The following PAK2 variants were observed in gnomAD, a reference collection of about 807,000 sequenced individuals.
The protein encoded by PAK2 is serine/threonine-protein kinase PAK 2.
A neutral mutation model predicts 65.9 loss-of-function variants in PAK2; 21 were observed. The ratio of observed to expected loss-of-function variants is 0.32; its 90% confidence interval spans 0.23 to 0.46. PAK2 has a LOEUF of 0.46. PAK2 is among the 20% of genes least tolerant of loss of function. The pLI is 1.00. For synonymous variants in PAK2, 204 were observed against 219.7 expected, an observed-to-expected ratio of 0.93 and a Z score of 0.63; for missense variants, 324 against 642.6, an observed-to-expected ratio of 0.50 and a Z score of 5.36.
intron 1 of PAK2, among the ~76,000 whole-genome samples, chr3:196,778,237 C>T (rs978034706): frequency 1.3e-5 from 2 of 152,140 alleles, no homozygotes; most frequent in Non-Finnish European, 2.9e-5. Flanking sequence ...CTTCTTTTTG[C>T]GGCCAAACAA....
At chr3:196,797,959 A>G (rs1715309215) in intron 2 of PAK2, among the ~76,000 whole-genome samples, 1 of 152,242 alleles carries the variant, frequency 6.6e-6, no homozygotes, top group East Asian at 1.9e-4. Flanking sequence ...CTGCTAAAGC[A>G]GTACTTAGTG....
Position 196,810,617 on chromosome 3 carries a change from A to G in PAK2, c.737A>G (p.Lys246Arg). Residue 246 changes from lysine to arginine, a missense_variant, in exon 8 of 15, where the codon AAG becomes AGG. Lys to Arg is a conservative substitution (Grantham distance 26, BLOSUM62 2). Around this residue, in one of 5 missense-constraint regions of PAK2, gnomAD observed 183 missense variants for 246.2 expected, o/e 0.74. Coordinates refer to ENST00000327134, the MANE Select transcript of PAK2 (RefSeq NM_002577.4). ...LRTIVSIGDP[K>R]KKYTRYEKIG... ...ACTATCGTGAGCATAGGTGACCCTA[A>G]GAAAAAATATACAAGATATGAAAAA... 1 of 1,570,052 alleles carries G rather than the reference A, an allele frequency of 6.4e-7. No homozygotes were observed. Among genetic ancestry groups the G allele is most frequent in the Non-Finnish European group, 8.8e-7 (1 of 1,140,456 alleles).
intron 2 of PAK2, chr3:196,784,846 A>C (rs537896535): frequency 4.8e-3 from 733 of 151,734 alleles, no homozygotes; most frequent in African/African-American, 0.017. Flanking sequence ...CCCACCAACA[A>C]TGTAAAAGTG....
rs550855016 is a variant in PAK2, at chr3:196,799,050, C to CA, written c.188-2868dup. On this transcript the variant is annotated intron_variant, in intron 2 of 14. Transcript: ENST00000327134. ...GAAGGGTCTAGCTAATGTAGTAAGG[C>CA]AAAAAAAAATTTTTTTTAAGAAAAC... Among the ~76,000 whole-genome samples, 908 of 150,880 alleles carry CA rather than the reference C, an allele frequency of 6.0e-3. 10 individuals carry two copies. Among genetic ancestry groups the CA allele is most frequent in the African/African-American group, 0.021 (874 of 41,128 alleles).
At chr3:196,800,539 C>G (rs897055794) in intron 2 of PAK2, among the ~76,000 whole-genome samples, 2 of 152,228 alleles carry the variant, frequency 1.3e-5, no homozygotes, top group East Asian at 3.9e-4. Context: ...ATTACCCAAA[C>G]AGCTTTGACA....
intron 2 of PAK2, among the ~76,000 whole-genome samples, chr3:196,798,504 C>T (rs138518112): frequency 4.7e-4 from 71 of 151,954 alleles, no homozygotes; most frequent in African/African-American, 1.6e-3. Context: ...TCACCACGCC[C>T]GGCTAATTAT....
At chr3:196,809,578 A>G (rs1358908305) in intron 7 of PAK2, among the ~76,000 whole-genome samples, 1 of 151,028 alleles carries the variant, frequency 6.6e-6, no homozygotes, top group Non-Finnish European at 1.5e-5. Flanking sequence ...TCCTGACCTC[A>G]GGCATGAGTC....
intron 13 of PAK2, among the ~76,000 whole-genome samples, chr3:196,823,906 A>T (rs1020944430): frequency 3.9e-5 from 6 of 152,106 alleles, no homozygotes; most frequent in African/African-American, 1.4e-4. Context: ...TGGATGAGGA[A>T]GATGAGAATT....
chr3:196,815,164 A>G (rs1473162584), intron 11 of PAK2, among the ~76,000 whole-genome samples: 1 of 151,388 alleles, frequency 6.6e-6, no homozygotes, highest in African/African-American at 2.4e-5. Flanking sequence ...TGGGCAACAG[A>G]GCGAGAGTCC....
rs1247207863 is a variant in PAK2 at position 196,829,034 on chromosome 3, C to CT, written c.*635dup. On this transcript the variant is annotated 3_prime_UTR_variant, in exon 15 of 15. Transcript: ENST00000327134. ...GGGAAGAAAAGTATGTGATTTTTAC[C>CT]TTTTTTAACAAATGTGAAAAAGTCA... 6.6e-6 allele frequency: 1 copy of CT among 152,554 alleles called. No homozygotes were observed. Among genetic ancestry groups the CT allele is most frequent in the Non-Finnish European group, 1.5e-5 (1 of 68,044 alleles). 9.5% of individuals were successfully genotyped at this position (152,554 alleles called of 1,614,324 possible).
intron 4 of PAK2, among the ~76,000 whole-genome samples, chr3:196,804,598 G>A (rs1715523183): frequency 1.3e-5 from 2 of 152,062 alleles, no homozygotes; most frequent in African/African-American, 4.8e-5. Flanking sequence ...CTCCTGAGTA[G>A]CTGAGATTAC....
intron 1 of PAK2, among the ~76,000 whole-genome samples, chr3:196,759,525 T>TTTTTTTTTTTTG (rs1243923412): frequency 2.3e-5 from 3 of 131,690 alleles, no homozygotes; most frequent in Non-Finnish European, 4.9e-5. Context: ...TTTTTTTTTT[T>TTTTTTTTTTTTG]TTTTTTTTTT....
At chr3:196,789,469 ATTTTTCT>A (rs1714996486) in intron 2 of PAK2, among the ~76,000 whole-genome samples, 2 of 122,244 alleles carry the variant, frequency 1.6e-5, no homozygotes, top group South Asian at 2.4e-4. Flanking sequence ...ATGGAAAACA[ATTTTTCT>A]TTTTTCTTTT....
intron 11 of PAK2, among the ~76,000 whole-genome samples, chr3:196,814,870 G>GTA (rs1171272112): frequency 1.3e-5 from 2 of 152,106 alleles, no homozygotes; most frequent in African/African-American, 2.4e-5. Context: ...GAGTAAAAGG[G>GTA]TATATATCAT....
At chr3:196,751,683 ATATATATATATAATTCAGGC>A (rs1713598561) in intron 1 of PAK2, among the ~76,000 whole-genome samples, 1 of 79,860 alleles carries the variant, frequency 1.3e-5, no homozygotes, top group Non-Finnish European at 2.6e-5. Flanking sequence ...ACATATATAT[ATATATATATATAATTCAGGC>A]TATATATAAA....
chr3:196,740,247 C>T (rs1309990173), intron 1 of PAK2, 90 bp downstream of exon 1: 1 of 152,130 alleles, frequency 6.6e-6, no homozygotes, highest in Non-Finnish European at 1.5e-5. Context: ...GGGAGCGGCC[C>T]GGGACGGCCG....
intron 2 of PAK2, among the ~76,000 whole-genome samples, chr3:196,788,537 G>C (rs1417321803): frequency 6.6e-6 from 1 of 152,152 alleles, no homozygotes; most frequent in Non-Finnish European, 1.5e-5. Context: ...GCTTGCTAAT[G>C]TGTGTACTAT....
chr3:196,742,097 T>A (rs2108701878), intron 1 of PAK2, among the ~76,000 whole-genome samples: 1 of 113,864 alleles, frequency 8.8e-6, no homozygotes, highest in South Asian at 2.9e-4. Context: ...CAATTAATAT[T>A]TCTTTTTTTT....
chr3:196,808,929 T>G (rs1715680377), intron 7 of PAK2, among the ~76,000 whole-genome samples: 1 of 148,794 alleles, frequency 6.7e-6, no homozygotes, highest in South Asian at 2.2e-4. Context: ...AAAAATACTG[T>G]ATGGAAGGAT....
Sources: allele counts gnomAD v4.1 joint callset (sites outside exome capture counted in the v4.1 genomes callset), GRCh38; gene constraint gnomAD v4.1.1; regional missense constraint gnomAD v4.1.1; transcripts MANE v1.5; gene names NCBI Gene and HGNC (gene_info 2026-07-23, HGNC 2026-07-21).